Variants in SNX4 observed in about 807,000 individuals in gnomAD.
SNX4 encodes the protein sorting nexin 4, also known as sorting nexin-4.
In SNX4, 49 loss-of-function variants were observed where a neutral mutation model predicts 70.8. The observed-to-expected ratio is 0.69, with a 90% CI of 0.55 to 0.88. The LOEUF is 0.88. SNX4 is among the 40% of genes least tolerant of loss of function. The pLI is 0.00. For synonymous variants in SNX4, 206 were observed against 183.8 expected, an observed-to-expected ratio of 1.12 and a Z score of -0.98; for missense variants, 528 against 544.8, an observed-to-expected ratio of 0.97 and a Z score of 0.31.
At chr3:125,493,248 T>C (rs1430793961) in intron 5 of SNX4, among the ~76,000 whole-genome samples, 5 of 152,170 alleles carry the variant, frequency 3.3e-5, no homozygotes, top group Admixed American at 1.3e-4. Context: ...CAAGCCCAGA[T>C]TGAGTATTTA....
In SNX4 at chr3:125,447,679, GTA is replaced by G; in HGVS notation, c.*98_*99del. 1 of 728,304 alleles carries G rather than the reference GTA, an allele frequency of 1.4e-6. No homozygotes were observed. The allele number at this position is 728,304 out of a possible 1,614,324, so 45.1% of individuals were successfully genotyped here. A position where few individuals can be genotyped will look rare whatever the true frequency, so the allele number is the denominator to read the frequency against. On this transcript the variant is annotated 3_prime_UTR_variant, in exon 14 of 14. Transcript: ENST00000251775. ...GAAAGCTGAATTTATTTAACTTATT[GTA>G]TATGTTTATGTATACTAGGTAGTGA...
intron 7 of SNX4, among the ~76,000 whole-genome samples, chr3:125,477,481 T>C (rs1934313052): frequency 6.6e-6 from 1 of 152,144 alleles, no homozygotes; most frequent in Admixed American, 6.5e-5. Context: ...CCCAAAGCAT[T>C]ATGAAAACAA....
At chr3:125,497,484 G>T (rs1934821752) in intron 4 of SNX4, 96 bp from the exon 5 acceptor site, 2 of 829,000 alleles carry the variant, frequency 2.4e-6, no homozygotes, top group Non-Finnish European at 4.0e-6. Context: ...TACTTCAGCA[G>T]GAATTGGAGA....
intron 1 of SNX4, among the ~76,000 whole-genome samples, chr3:125,507,153 A>G: frequency 6.8e-6 from 1 of 147,988 alleles, no homozygotes; most frequent in Non-Finnish European, 1.5e-5. Flanking sequence ...GGTTGCAGTG[A>G]GCAAAGACCA....
intron 1 of SNX4, among the ~76,000 whole-genome samples, chr3:125,515,678 A>G (rs963240694): frequency 6.6e-5 from 10 of 151,744 alleles, no homozygotes; most frequent in Non-Finnish European, 1.5e-4. Context: ...AAAAAAAAAA[A>G]AAAAAGAAAA....
chr3:125,477,750 G>C (rs1934318852), intron 7 of SNX4, among the ~76,000 whole-genome samples: 1 of 152,150 alleles, frequency 6.6e-6, no homozygotes, highest in Non-Finnish European at 1.5e-5. Context: ...CCTGCTCTGA[G>C]GAAACACGTA....
At chr3:125,454,007 T>A (rs1486758910) in intron 11 of SNX4, 52 bp from the exon 12 acceptor site, 1 of 1,467,620 alleles carries the variant, frequency 6.8e-7, no homozygotes, top group East Asian at 2.3e-5. Flanking sequence ...GGCATACACA[T>A]ACACATACAA....
chr3:125,451,327 AT>A lies in SNX4; in HGVS notation c.1282del (p.Met428CysfsTer28). 1 of 1,613,316 alleles carries A rather than the reference AT, an allele frequency of 6.2e-7. No homozygotes were observed. On this transcript the variant is annotated frameshift_variant, in exon 13 of 14. Coordinates refer to ENST00000251775, the MANE Select transcript of SNX4 (RefSeq NM_003794.4). LOFTEE classifies it high-confidence loss of function. ...LKEALISYAVMQISMCKKGIQ... is the reference protein window; with the variant it reads ...LKEALISYAVXQISMCKKGIQ... ...TACCTTTTTGCACATACTGATCTGC[AT>A]GACTGCATAGCTTATGAGGGCCTCC... is the stretch of plus-strand genomic sequence containing the variant.
chr3:125,453,304 A>G (rs1247780198), intron 12 of SNX4, among the ~76,000 whole-genome samples: 1 of 152,168 alleles, frequency 6.6e-6, no homozygotes, highest in Non-Finnish European at 1.5e-5. Context: ...AGGCTTCACA[A>G]TGAAGTAACA....
At chr3:125,458,641 C>T (rs1327506068) in intron 10 of SNX4, among the ~76,000 whole-genome samples, 3 of 149,320 alleles carry the variant, frequency 2.0e-5, no homozygotes, top group African/African-American at 7.4e-5. Flanking sequence ...ACGGTGAAAC[C>T]CCGTCTCTAC....
At chr3:125,499,985 G>A (rs953643082) in intron 2 of SNX4, among the ~76,000 whole-genome samples, 1 of 151,874 alleles carries the variant, frequency 6.6e-6, no homozygotes, top group Admixed American at 6.6e-5. Flanking sequence ...GCTTGAACCC[G>A]GGAGGCAGAG....
At chr3:125,479,826 T>A (rs1934368936) in intron 7 of SNX4, among the ~76,000 whole-genome samples, 1 of 152,184 alleles carries the variant, frequency 6.6e-6, no homozygotes, top group African/African-American at 2.4e-5. Context: ...GTCCCTTTTG[T>A]CATGGCAGAC....
chr3:125,497,465 T>C (rs1934821450), intron 4 of SNX4, 77 bp from the exon 5 acceptor site: 3 of 989,878 alleles, frequency 3.0e-6, no homozygotes, highest in Middle Eastern at 5.2e-4. Context: ...ATTTCTATCA[T>C]TCTGTTCTTA....
intron 8 of SNX4, among the ~76,000 whole-genome samples, chr3:125,475,083 C>T (rs1452459003): frequency 1.3e-5 from 2 of 152,060 alleles, no homozygotes; most frequent in African/African-American, 4.8e-5. Flanking sequence ...GACCCTGGTC[C>T]TAGTTATGAA....
Position 125,514,453 on chromosome 3 carries a change from A to G in SNX4, c.141+5579T>C, listed in dbSNP as rs1328618334. ...ATTGCATAGGGTGGAGTGCAGTGGC[A>G]TGATCACAGCTCACTGCAACCTCCA... is the stretch of plus-strand genomic sequence containing the variant. On this transcript the variant is annotated intron_variant, in intron 1 of 13. Coordinates refer to ENST00000251775, the MANE Select transcript of SNX4 (RefSeq NM_003794.4). Among the ~76,000 whole-genome samples, 3 of 147,020 alleles carry G rather than the reference A, an allele frequency of 2.0e-5. No individual in the cohort carries two copies. The East Asian group carries it at 6.0e-4, about 29-fold the overall frequency.
At chr3:125,509,789 A>G (rs927950166) in intron 1 of SNX4, among the ~76,000 whole-genome samples, 2 of 151,814 alleles carry the variant, frequency 1.3e-5, no homozygotes, top group African/African-American at 4.8e-5. Flanking sequence ...ACCCAATTCA[A>G]AAATGGAAAA....
chr3:125,463,690 T>C (rs1042862693), intron 9 of SNX4, among the ~76,000 whole-genome samples: 1 of 152,190 alleles, frequency 6.6e-6, no homozygotes, highest in Non-Finnish European at 1.5e-5. Flanking sequence ...CTGTATGTAT[T>C]TACAGTGTAC....
intron 12 of SNX4, among the ~76,000 whole-genome samples, chr3:125,452,525 C>G (rs7618658): frequency 2.0e-5 from 3 of 151,876 alleles, no homozygotes; most frequent in African/African-American, 7.3e-5. Flanking sequence ...GAGGTGGCAG[C>G]GAGCAACAAT....
chr3:125,518,502 C>T (rs1459569525), intron 1 of SNX4, among the ~76,000 whole-genome samples: 2 of 152,106 alleles, frequency 1.3e-5, no homozygotes, highest in African/African-American at 4.8e-5. Flanking sequence ...TTCATGCTAC[C>T]TTATATACCC....
Sources: gnomAD v4.1 joint callset for allele counts (sites outside exome capture counted in the v4.1 genomes callset) on GRCh38, gnomAD v4.1.1 for gene constraint, MANE v1.5 for transcripts, NCBI Gene and HGNC (gene_info 2026-07-23, HGNC 2026-07-21) for gene names.